ICAM2: variants seen among roughly 807,000 people sequenced by gnomAD.
ICAM2 encodes intercellular adhesion molecule 2.
A neutral mutation model predicts 19.1 loss-of-function variants in ICAM2; 14 were observed. That is an observed-to-expected ratio of 0.73 (90% confidence interval 0.48 to 1.15). The LOEUF is 1.15. Among genes scored for constraint, ICAM2 ranks in the 50% most tolerant of loss-of-function variants. The probability of loss-of-function intolerance (pLI) is 0.00; values close to 1 mark genes in which losing one functional copy is unlikely to be tolerated. For synonymous variants in ICAM2, 153 were observed against 152.7 expected (o/e 1.00, Z -0.01); for missense variants, 311 against 355.4 (o/e 0.88, Z 1.00).
At chr17:64,003,203 G>C in intron 4 of ICAM2, 1 of 484,246 alleles carries the variant, frequency 2.1e-6, no homozygotes, top group Admixed American at 3.4e-5. Context: ...CCAGTGTGTA[G>C]CTGCTGGACA....
At chr17:64,009,696 C>T (rs1241486155) in intron 1 of ICAM2, among the ~76,000 whole-genome samples, 1 of 11,084 alleles carries the variant, frequency 9.0e-5, no homozygotes, top group East Asian at 0.17. Context: ...ATTAGGTCAG[C>T]ATGCTCTCGA....
chr17:64,014,637 AAGAG>A (rs138783390), intron 1 of ICAM2, among the ~76,000 whole-genome samples: 8,776 of 137,478 alleles, frequency 0.064, 384 homozygotes, highest in Non-Finnish European at 0.097. Context: ...GAAAGAAAGA[AAGAG>A]AGAGAGAGAA....
intron 1 of ICAM2, among the ~76,000 whole-genome samples, chr17:64,009,238 A>T (rs1199008697): frequency 6.6e-6 from 1 of 151,684 alleles, no homozygotes; most frequent in Non-Finnish European, 1.5e-5. Context: ...TGAATGAATG[A>T]GAGAGTTTGT....
At position 64,002,744 on chromosome 17, in the gene ICAM2, T is replaced by C; in HGVS notation, c.*3A>G. The C allele has an allele frequency of 1.9e-6, 3 of 1,610,244 alleles. No homozygotes were observed. Among genetic ancestry groups the C allele is most frequent in the Non-Finnish European group, 2.5e-6 (3 of 1,179,248 alleles). On this transcript the variant is annotated 3_prime_UTR_variant, in exon 5 of 5. Coordinates refer to ENST00000579788, the MANE Select transcript of ICAM2 (RefSeq NM_001099789.2). ...GTGGTGGTGGCCATGCCACTCATGGTTGCTATGGCCGGAAGGCCTGGGGCA... is the reference window on the plus strand; with the variant it reads ...GTGGTGGTGGCCATGCCACTCATGGCTGCTATGGCCGGAAGGCCTGGGGCA...
chr17:64,015,440 G>C (rs180673934), intron 1 of ICAM2, among the ~76,000 whole-genome samples: 1 of 152,240 alleles, frequency 6.6e-6, no homozygotes, highest in Admixed American at 6.5e-5. Flanking sequence ...AATCAGGGCC[G>C]GGCATAGTGG....
In ICAM2 at chr17:64,005,297, G is replaced by A. The variant is rs1318580838; in HGVS notation, c.138C>T (p.Val46=). 1.2e-6 allele frequency: 2 copies of A among 1,614,132 alleles called. No homozygotes were observed. The highest frequency in any genetic ancestry group is 1.7e-6 in the Non-Finnish European group (2 of 1,179,980). The change falls in exon 3 of 5, where the codon GTC becomes GTT. Residue 46 remains valine (V), a synonymous_variant. Coordinates refer to ENST00000579788, the MANE Select transcript of ICAM2 (RefSeq NM_001099789.2). ...GCTGGTTACAGGTGGTGCTGCAGTT[G>A]ACCTCGAGGGACCCTTTGGGCTCAA... is the stretch of plus-strand genomic sequence containing the variant. ...LAVEPKGSLE[V]NCSTTCNQPE...
At chr17:64,003,011 C>G in intron 4 of ICAM2, 86 bp from the exon 5 acceptor site, 2 of 1,203,002 alleles carry the variant, frequency 1.7e-6, no homozygotes, top group South Asian at 2.9e-5. Context: ...ACCCCCAACC[C>G]AGACCCCCAG....
chr17:64,012,551 G>A (rs1172745704), intron 1 of ICAM2, among the ~76,000 whole-genome samples: 2 of 152,166 alleles, frequency 1.3e-5, no homozygotes, highest in African/African-American at 4.8e-5. Context: ...TGTGAGCTGA[G>A]ATTGTGCCAC....
chr17:64,017,669 T>C (rs1170330924), intron 1 of ICAM2, among the ~76,000 whole-genome samples: 6 of 152,206 alleles, frequency 3.9e-5, no homozygotes, highest in Non-Finnish European at 4.4e-5. Flanking sequence ...GGATTTGCTC[T>C]GCTAGATATT....
At chr17:64,016,502 C>G (rs1012573414) in intron 1 of ICAM2, among the ~76,000 whole-genome samples, 7 of 152,218 alleles carry the variant, frequency 4.6e-5, no homozygotes, top group African/African-American at 7.2e-5. Context: ...TACTTGCCAG[C>G]TAGTGATTCC....
At chr17:64,003,610 T>G in intron 4 of ICAM2, 34 bp downstream of exon 4, 1 of 1,581,148 alleles carries the variant, frequency 6.3e-7, no homozygotes, top group Non-Finnish European at 8.6e-7. Context: ...AAGTGACTTA[T>G]CACTCCCAAC....
chr17:64,012,803 G>A (rs1034807937), intron 1 of ICAM2, among the ~76,000 whole-genome samples: 1 of 152,164 alleles, frequency 6.6e-6, no homozygotes. Context: ...TTTTATATTA[G>A]GGACTTGAGC....
At chr17:64,011,409 C>T (rs538329939) in intron 1 of ICAM2, among the ~76,000 whole-genome samples, 1 of 152,200 alleles carries the variant, frequency 6.6e-6, no homozygotes, top group African/African-American at 2.4e-5. Flanking sequence ...TTGCGGTGAG[C>T]CGAGATCGCG....
At chr17:64,008,547 T>A (rs1381083094) in intron 1 of ICAM2, among the ~76,000 whole-genome samples, 1 of 152,178 alleles carries the variant, frequency 6.6e-6, no homozygotes, top group Non-Finnish European at 1.5e-5. Flanking sequence ...ACTGTCTCCA[T>A]CTCACAGATG....
intron 1 of ICAM2, among the ~76,000 whole-genome samples, chr17:64,009,433 T>A (rs895656564): frequency 1.3e-5 from 2 of 152,266 alleles, no homozygotes; most frequent in African/African-American, 4.8e-5. Context: ...ATGGGCACTT[T>A]GAGTTAGGCC....
chr17:64,009,462 T>C (rs1317583187), intron 1 of ICAM2, among the ~76,000 whole-genome samples: 1 of 152,142 alleles, frequency 6.6e-6, no homozygotes, highest in Non-Finnish European at 1.5e-5. Context: ...GGTTTTCTTT[T>C]TTTGAGATGG....
At chr17:64,016,884 A>G (rs954286875) in intron 1 of ICAM2, among the ~76,000 whole-genome samples, 1 of 152,254 alleles carries the variant, frequency 6.6e-6, no homozygotes, top group Admixed American at 6.5e-5. Flanking sequence ...AGATTTAAAA[A>G]GAAAAAACAT....
intron 1 of ICAM2, among the ~76,000 whole-genome samples, chr17:64,008,667 G>A (rs1357984171): frequency 2.6e-5 from 4 of 152,186 alleles, no homozygotes; most frequent in Middle Eastern, 3.2e-3. Context: ...AAGCCCGCCC[G>A]AGCAGGCGCA....
At chr17:64,015,525 A>G (rs1341391827) in intron 1 of ICAM2, among the ~76,000 whole-genome samples, 1 of 152,212 alleles carries the variant, frequency 6.6e-6, no homozygotes, top group Non-Finnish European at 1.5e-5. Flanking sequence ...AGATCCCTTA[A>G]GCCCAAGAGT....
Sources: allele counts gnomAD v4.1 joint callset (sites outside exome capture counted in the v4.1 genomes callset), GRCh38; gene constraint gnomAD v4.1.1; transcripts MANE v1.5; gene names NCBI Gene and HGNC (gene_info 2026-07-23, HGNC 2026-07-21).